Variants in PCDHA1 observed in about 807,000 individuals in gnomAD.
PCDHA1 encodes the protein protocadherin alpha-1.
PCDHA1 carries 42 observed loss-of-function variants against 61.3 expected under a neutral mutation model. That is an observed-to-expected ratio of 0.69 (90% confidence interval 0.54 to 0.89). The LOEUF (loss-of-function observed/expected upper bound fraction) is 0.89, where lower values mean the gene tolerates loss of function less well. Ranked by LOEUF, PCDHA1 falls within the 40% of genes least tolerant of loss-of-function variation. The pLI is 0.00. For synonymous variants in PCDHA1, 610 were observed against 553.8 expected, an observed-to-expected ratio of 1.10 and a Z score of -1.43; for missense variants, 1,256 against 1,235.3, an observed-to-expected ratio of 1.02 and a Z score of -0.25.
intron 3 of PCDHA1, among the ~76,000 whole-genome samples, chr5:140,997,400 G>A (rs1554255862): frequency 3.3e-5 from 5 of 152,056 alleles, no homozygotes; most frequent in Admixed American, 1.3e-4. Context: ...AGGCTCTATC[G>A]TATGGCCTAT....
chr5:140,997,664 C>A (rs2097778003), intron 3 of PCDHA1, among the ~76,000 whole-genome samples: 1 of 142,906 alleles, frequency 7.0e-6, no homozygotes, highest in African/African-American at 2.5e-5. Context: ...TATTATTATA[C>A]AGCTTGTGTG....
chr5:140,927,826 G>A (rs782694866), intron 1 of PCDHA1: 1 of 1,614,194 alleles, frequency 6.2e-7, no homozygotes, highest in Middle Eastern at 1.6e-4. Context: ...ATACATTGAG[G>A]CGAGGGACGA....
chr5:140,977,762 C>T (rs996806241), intron 1 of PCDHA1, among the ~76,000 whole-genome samples: 6 of 152,124 alleles, frequency 3.9e-5, no homozygotes, highest in Non-Finnish European at 5.9e-5. Context: ...TTATTAAATA[C>T]TTTGCATCCC....
intron 1 of PCDHA1, chr5:140,852,877 T>G: frequency 1.1e-6 from 1 of 942,140 alleles, no homozygotes; most frequent in Non-Finnish European, 1.3e-6. Flanking sequence ...TCAATAATCA[T>G]AAAACGTATT....
chr5:140,803,813 G>T, intron 1 of PCDHA1: 1 of 696,392 alleles, frequency 1.4e-6, no homozygotes, highest in Non-Finnish European at 2.3e-6. Flanking sequence ...ATTTTGTTTT[G>T]TTATTAGGTG....
intron 1 of PCDHA1, chr5:140,884,065 C>G (rs377441374): frequency 1.1e-5 from 17 of 1,613,346 alleles, no homozygotes; most frequent in Admixed American, 6.7e-5. Flanking sequence ...CGGTGGACGC[C>G]GATTCGGGCT....
chr5:140,829,866 C>T (rs180987045), intron 1 of PCDHA1: 8 of 1,613,772 alleles, frequency 5.0e-6, no homozygotes, highest in African/African-American at 2.7e-5. Flanking sequence ...CAAGTGGTGG[C>T]GAAGGTGCGC....
chr5:140,981,862 T>C (rs1160188291), intron 2 of PCDHA1, among the ~76,000 whole-genome samples: 1 of 152,212 alleles, frequency 6.6e-6, no homozygotes, highest in African/African-American at 2.4e-5. Flanking sequence ...CTCCCAGCAA[T>C]GTTTTATGCT....
chr5:140,790,760 C>T (rs965831452), intron 1 of PCDHA1, among the ~76,000 whole-genome samples: 10 of 152,144 alleles, frequency 6.6e-5, no homozygotes, highest in Admixed American at 5.9e-4. Context: ...TACATACATT[C>T]AATATTTCTT....
chr5:140,841,326 A>G (rs2150313603), intron 1 of PCDHA1: 2 of 1,607,682 alleles, frequency 1.2e-6, no homozygotes, highest in South Asian at 2.2e-5. Flanking sequence ...TTTAACATGG[A>G]TTATCACTGG....
chr5:140,978,044 G>A (rs1205342779), intron 1 of PCDHA1, among the ~76,000 whole-genome samples: 1 of 152,140 alleles, frequency 6.6e-6, no homozygotes, highest in Non-Finnish European at 1.5e-5. Flanking sequence ...GACAGTGATG[G>A]TGACTGATGA....
chr5:140,975,149 T>A (rs990599895), intron 1 of PCDHA1, among the ~76,000 whole-genome samples: 1 of 152,202 alleles, frequency 6.6e-6, no homozygotes, highest in Non-Finnish European at 1.5e-5. Flanking sequence ...CACTCTCAGT[T>A]CCTAGAGAAC....
rs139952759 is a variant in PCDHA1 at position 140,788,459 on chromosome 5, C to G, written c.2169C>G (p.Cys723Trp). 1.9e-6 allele frequency: 3 copies of G among 1,614,012 alleles called. No homozygotes were observed. The African/African-American group carries it at 4.0e-5, about 22-fold the overall frequency. The change falls in exon 1 of 4, where the codon TGC becomes TGG. Residue 723 changes from cysteine (C) to tryptophan (W), a missense_variant. Cys to Trp is a radical substitution (Grantham distance 215). Coordinates refer to ENST00000504120, the MANE Select transcript of PCDHA1 (RefSeq NM_018900.4). ...TGCTGCTGTACACGGCGCTGCGGTG[C>G]TCAGTGCCGCCCACTGAGGGTGCGT... ...LTLLLYTALR[C>W]SVPPTEGAYV...
At position 140,858,238 on chromosome 5, in the gene PCDHA1, T is replaced by C. The variant is rs1351813678; in HGVS notation, c.2394+69554T>C. 3.1e-6 allele frequency: 5 copies of C among 1,595,920 alleles called. 1 individual carries two copies. Among genetic ancestry groups the C allele is most frequent in the Non-Finnish European group, 4.3e-6 (5 of 1,166,390 alleles). ...CGGCGGCGCCCACCGAGGGCGCATGTGGGCCGGTGAAGCCCACGCTGGTGT... is the reference window on the plus strand; with the variant it reads ...CGGCGGCGCCCACCGAGGGCGCATGCGGGCCGGTGAAGCCCACGCTGGTGT... On this transcript the variant is annotated intron_variant, in intron 1 of 3. Coordinates refer to ENST00000504120, the MANE Select transcript of PCDHA1 (RefSeq NM_018900.4).
intron 1 of PCDHA1, chr5:140,821,533 A>G: frequency 2.2e-6 from 1 of 462,588 alleles, no homozygotes. Flanking sequence ...AAAATAAAAC[A>G]CTTACCCTTT....
At chr5:140,908,985 C>G (rs2074252217) in intron 1 of PCDHA1, among the ~76,000 whole-genome samples, 1 of 152,130 alleles carries the variant, frequency 6.6e-6, no homozygotes, top group African/African-American at 2.4e-5. Context: ...CCACTGGACC[C>G]CTAGAAATTT....
Position 140,850,285 on chromosome 5 carries a change from T to C in PCDHA1, c.2394+61601T>C. 3.8e-6 allele frequency: 6 copies of C among 1,595,604 alleles called. 1 individual carries two copies. The highest frequency in any genetic ancestry group is 4.5e-5 in the East Asian group (2 of 44,810). On this transcript the variant is annotated intron_variant, in intron 1 of 3. Coordinates refer to ENST00000504120, the MANE Select transcript of PCDHA1 (RefSeq NM_018900.4). ...GTAGTGGTGGGGAAGGTGCGCGCAG[T>C]GGACGCCGACTCGGGCTACAACGCG...
intron 1 of PCDHA1, among the ~76,000 whole-genome samples, chr5:140,888,040 T>C (rs1338203545): frequency 6.6e-6 from 1 of 152,222 alleles, no homozygotes; most frequent in Non-Finnish European, 1.5e-5. Context: ...TTAGTACATG[T>C]ATAATAGATG....
intron 1 of PCDHA1, chr5:140,829,494 A>G (rs1366081374): frequency 1.9e-6 from 3 of 1,613,224 alleles, no homozygotes; most frequent in Admixed American, 3.3e-5. Flanking sequence ...AAGGAGAACA[A>G]CCCGCCGGGC....
Sources: allele counts gnomAD v4.1 joint callset (sites outside exome capture counted in the v4.1 genomes callset), GRCh38; gene constraint gnomAD v4.1.1; transcripts MANE v1.5; gene names NCBI Gene and HGNC (gene_info 2026-07-23, HGNC 2026-07-21).